SPAG16: variants seen among roughly 807,000 people sequenced by gnomAD.
SPAG16 encodes the protein sperm-associated antigen 16 protein.
SPAG16 carries 86 observed loss-of-function variants against 80.4 expected under a neutral mutation model. That is an observed-to-expected ratio of 1.07 (90% CI 0.90 to 1.28). SPAG16 has a LOEUF of 1.28. Ranked by LOEUF, SPAG16 falls within the 50% of genes most tolerant of loss-of-function variation. The probability of loss-of-function intolerance (pLI) is 0.00; values close to 1 mark genes in which losing one functional copy is unlikely to be tolerated. For missense variants in SPAG16, 870 were observed against 765.3 expected, an observed-to-expected ratio of 1.14 and a Z score of -1.61; for synonymous variants, 294 against 265.9, an observed-to-expected ratio of 1.11 and a Z score of -1.03.
intron 12 of SPAG16, among the ~76,000 whole-genome samples, chr2:213,984,857 G>A (rs2045929225): frequency 6.6e-6 from 1 of 152,002 alleles, no homozygotes; most frequent in Non-Finnish European, 1.5e-5. Flanking sequence ...TGACGTTACT[G>A]TACCTGGAAA....
At chr2:214,251,651 A>G (rs908312409) in intron 15 of SPAG16, among the ~76,000 whole-genome samples, 2 of 152,090 alleles carry the variant, frequency 1.3e-5, no homozygotes, top group Non-Finnish European at 1.5e-5. Context: ...TTTCTCATTT[A>G]CGTATTTCAA....
intron 9 of SPAG16, among the ~76,000 whole-genome samples, chr2:213,474,538 G>A (rs376948389): frequency 1.3e-5 from 2 of 152,092 alleles, no homozygotes; most frequent in East Asian, 1.9e-4. Context: ...CTCATGTTTG[G>A]TGACTCAGGA....
intron 10 of SPAG16, among the ~76,000 whole-genome samples, chr2:213,761,265 G>A (rs2068642344): frequency 6.6e-6 from 1 of 152,156 alleles, no homozygotes; most frequent in Non-Finnish European, 1.5e-5. Context: ...CATATGGGAT[G>A]AGGAAACAGT....
chr2:213,346,194 G>T (rs891000165), intron 6 of SPAG16, among the ~76,000 whole-genome samples: 5 of 152,066 alleles, frequency 3.3e-5, no homozygotes, highest in African/African-American at 1.2e-4. Context: ...TCTGTTATTG[G>T]TGTATAAGAA....
intron 15 of SPAG16, among the ~76,000 whole-genome samples, chr2:214,403,016 A>C (rs930440413): frequency 6.6e-6 from 1 of 151,340 alleles, no homozygotes; most frequent in African/African-American, 2.4e-5. Flanking sequence ...CAGCTGAATC[A>C]AAGTGGAAGG....
intron 9 of SPAG16, among the ~76,000 whole-genome samples, chr2:213,394,566 G>A (rs1376354531): frequency 2.6e-5 from 4 of 152,146 alleles, no homozygotes; most frequent in African/African-American, 9.7e-5. Flanking sequence ...CCCTGGTGTT[G>A]CCCTTTTATA....
At chr2:213,718,243 C>T (rs372523940) in intron 10 of SPAG16, among the ~76,000 whole-genome samples, 13 of 148,788 alleles carry the variant, frequency 8.7e-5, no homozygotes, top group Admixed American at 4.0e-4. Context: ...GGCCAATAAA[C>T]AAATGAAAAA....
chr2:213,990,568 A>G (rs891175711), intron 12 of SPAG16, among the ~76,000 whole-genome samples: 1 of 152,172 alleles, frequency 6.6e-6, no homozygotes, highest in Non-Finnish European at 1.5e-5. Flanking sequence ...TAGAGAAAAG[A>G]AAAATGTTAC....
At chr2:214,116,977 T>C (rs1227711705) in intron 14 of SPAG16, among the ~76,000 whole-genome samples, 1 of 152,172 alleles carries the variant, frequency 6.6e-6, no homozygotes, top group African/African-American at 2.4e-5. Context: ...ATCAGTAATA[T>C]TCAGGGAAAT....
intron 15 of SPAG16, among the ~76,000 whole-genome samples, chr2:214,183,214 G>A (rs923105899): frequency 1.4e-4 from 21 of 151,910 alleles, no homozygotes; most frequent in African/African-American, 4.8e-4. Context: ...TCTGAACTCA[G>A]ACTTAACCTG....
intron 12 of SPAG16, among the ~76,000 whole-genome samples, chr2:214,008,809 T>G (rs555778066): frequency 6.6e-6 from 1 of 152,120 alleles, no homozygotes; most frequent in Admixed American, 6.5e-5. Context: ...CTATATTAGG[T>G]TTTCTCCTGG....
chr2:214,394,831 C>T (rs953419971), intron 15 of SPAG16, among the ~76,000 whole-genome samples: 7 of 152,110 alleles, frequency 4.6e-5, no homozygotes, highest in Non-Finnish European at 8.8e-5. Flanking sequence ...AGAATAGTTT[C>T]ACTGGCCTAA....
intron 10 of SPAG16, among the ~76,000 whole-genome samples, chr2:213,585,451 A>G (rs2060436503): frequency 6.6e-6 from 1 of 151,696 alleles, no homozygotes; most frequent in Non-Finnish European, 1.5e-5. Flanking sequence ...TAATTTTTAT[A>G]TTCTTAGTAG....
chr2:213,527,799 A>C (rs2075940940), intron 10 of SPAG16, among the ~76,000 whole-genome samples: 1 of 152,220 alleles, frequency 6.6e-6, no homozygotes, highest in Admixed American at 6.5e-5. Flanking sequence ...AAAAACATGC[A>C]ACAAGCTGTA....
At chr2:214,023,592 TG>T (rs1376715061) in intron 13 of SPAG16, among the ~76,000 whole-genome samples, 2 of 151,802 alleles carry the variant, frequency 1.3e-5, no homozygotes, top group Non-Finnish European at 3.0e-5. Context: ...ATAATCCAAT[TG>T]TTTGAAAATT....
intron 11 of SPAG16, among the ~76,000 whole-genome samples, chr2:213,876,366 T>C: frequency 6.6e-6 from 1 of 151,792 alleles, no homozygotes; most frequent in Non-Finnish European, 1.5e-5. Context: ...GTTGAATCCT[T>C]ATCTTGGCTG....
At chr2:213,848,616 A>G (rs996650448) in intron 10 of SPAG16, among the ~76,000 whole-genome samples, 8 of 152,138 alleles carry the variant, frequency 5.3e-5, no homozygotes, top group African/African-American at 1.7e-4. Flanking sequence ...CCTGAATTCA[A>G]GTTATTTGTG....
At chr2:214,054,992 A>G (rs2049861023) in intron 13 of SPAG16, among the ~76,000 whole-genome samples, 1 of 152,148 alleles carries the variant, frequency 6.6e-6, no homozygotes, top group African/African-American at 2.4e-5. Flanking sequence ...ATCTCTAGGG[A>G]TTTTAAAAGG....
At chr2:213,631,017 A>G (rs2062131471) in intron 10 of SPAG16, among the ~76,000 whole-genome samples, 1 of 152,188 alleles carries the variant, frequency 6.6e-6, no homozygotes, top group Non-Finnish European at 1.5e-5. Context: ...CCCTGGAGGA[A>G]AGACCTAAAC....
Sources: gnomAD v4.1 joint callset for allele counts (sites outside exome capture counted in the v4.1 genomes callset) on GRCh38, gnomAD v4.1.1 for gene constraint, MANE v1.5 for transcripts, NCBI Gene and HGNC (gene_info 2026-07-23, HGNC 2026-07-21) for gene names.